Variants in CNRIP1 observed in about 807,000 individuals in gnomAD.
CNRIP1 encodes the protein CB1 cannabinoid receptor-interacting protein 1.
CNRIP1 carries 10 observed loss-of-function variants against 15.2 expected under a neutral mutation model. The ratio of observed to expected loss-of-function variants is 0.66; its 90% CI spans 0.41 to 1.12. The LOEUF is 1.12. CNRIP1 is among the 50% of genes most tolerant of loss of function. The pLI, the probability that CNRIP1 is intolerant of heterozygous loss-of-function variation, is 0.00. For missense variants in CNRIP1, 211 were observed against 214.7 expected, an observed-to-expected ratio of 0.98 and a Z score of 0.11; for synonymous variants, 91 against 83.2, an observed-to-expected ratio of 1.09 and a Z score of -0.51.
At chr2:68,303,056 C>T (rs1022326434) in intron 2 of CNRIP1, among the ~76,000 whole-genome samples, 6 of 151,886 alleles carry the variant, frequency 4.0e-5, no homozygotes, top group South Asian at 2.1e-4. Context: ...ACTGTGTTAG[C>T]CAGGATGGTC....
chr2:68,305,116 T>C (rs1033884292), intron 2 of CNRIP1, among the ~76,000 whole-genome samples: 1 of 151,628 alleles, frequency 6.6e-6, no homozygotes, highest in Non-Finnish European at 1.5e-5. Flanking sequence ...TGGTGGCACA[T>C]GCCTGCAATC....
intron 2 of CNRIP1, among the ~76,000 whole-genome samples, chr2:68,310,277 G>A (rs1672026464): frequency 6.6e-6 from 1 of 152,218 alleles, no homozygotes; most frequent in Admixed American, 6.5e-5. Context: ...GCAGTGAGCT[G>A]AGATCGCACC....
In CNRIP1 at chr2:68,317,004, C is replaced by G. The variant is rs17035262; in HGVS notation, c.330+153G>C. 0.011 allele frequency: 10,264 copies of G among 922,342 alleles called. 678 individuals are homozygous for G. The African/African-American group carries it at 0.14, about 13-fold the overall frequency. 57.1% of individuals were successfully genotyped at this position (922,342 alleles called of 1,614,324 possible). Reference sequence around the variant, plus strand: ...AAGAGCATTAATTAAGTAGTTCTCTCTCCAGCAGATGCTTGAAGGAAATCC... The same window carrying G: ...AAGAGCATTAATTAAGTAGTTCTCTGTCCAGCAGATGCTTGAAGGAAATCC... On this transcript the variant is annotated intron_variant, in intron 2 of 2. Transcript: ENST00000263655.
chr2:68,293,606 C>A lies in CNRIP1; in HGVS notation c.*256G>T. On this transcript the variant is annotated 3_prime_UTR_variant, in exon 3 of 3. Coordinates refer to ENST00000263655, the MANE Select transcript of CNRIP1 (RefSeq NM_015463.3). ...CAGTCACAAGTGGTCAAAAGTATGA[C>A]CGAGAACAACTGGATGCAGGAACAT... 1 of 1,137,780 alleles carries A rather than the reference C, an allele frequency of 8.8e-7. No individual in the cohort carries two copies. The highest frequency in any genetic ancestry group is 1.1e-6 in the Non-Finnish European group (1 of 921,844). The allele number at this position is 1,137,780 out of a possible 1,614,324, so 70.5% of individuals were successfully genotyped here.
chr2:68,300,625 AAAAAAAG>A (rs535187060), intron 2 of CNRIP1, among the ~76,000 whole-genome samples: 456 of 152,270 alleles, frequency 3.0e-3, no homozygotes, highest in Non-Finnish European at 4.3e-3. Context: ...TCAAAAAAAT[AAAAAAAG>A]AAAAAAGAAA....
intron 2 of CNRIP1, among the ~76,000 whole-genome samples, chr2:68,285,668 A>AAAAG (rs1553413242): frequency 5.8e-4 from 72 of 124,444 alleles, no homozygotes; most frequent in Middle Eastern, 4.2e-3. Flanking sequence ...AAAAAAAAAA[A>AAAAG]AAAAGAAAAG....
downstream of CNRIP1, among the ~76,000 whole-genome samples, chr2:68,289,788 C>A (rs147746760): frequency 4.4e-3 from 666 of 152,050 alleles, 14 homozygotes; most frequent in East Asian, 7.4e-3. Flanking sequence ...GGCTCCCTTT[C>A]TTTTTTAATG....
intron 1 of CNRIP1, among the ~76,000 whole-genome samples, chr2:68,317,716 T>C (rs1672327468): frequency 6.6e-6 from 1 of 152,186 alleles, no homozygotes; most frequent in South Asian, 2.1e-4. Flanking sequence ...ATCATTCTTT[T>C]GTGTTAGGAT....
At chr2:68,316,903 G>T in intron 2 of CNRIP1, 1 of 610,194 alleles carries the variant, frequency 1.6e-6, no homozygotes, top group South Asian at 2.0e-5. Flanking sequence ...GGCAATGTAG[G>T]TTCTGTCTCT....
At chr2:68,304,692 C>G (rs1671745062) in intron 2 of CNRIP1, among the ~76,000 whole-genome samples, 1 of 151,314 alleles carries the variant, frequency 6.6e-6, no homozygotes, top group Non-Finnish European at 1.5e-5. Flanking sequence ...GCGATCTCAG[C>G]TTACTGCAAG....
intron 2 of CNRIP1, among the ~76,000 whole-genome samples, chr2:68,306,324 A>G (rs916915051): frequency 6.8e-6 from 1 of 147,790 alleles, no homozygotes; most frequent in African/African-American, 2.5e-5. Flanking sequence ...CCTATCTCAA[A>G]AAAAAAAAAA....
At chr2:68,298,641 T>TAA (rs1357786580) in intron 2 of CNRIP1, among the ~76,000 whole-genome samples, 1 of 152,226 alleles carries the variant, frequency 6.6e-6, no homozygotes, top group Non-Finnish European at 1.5e-5. Context: ...CAAATTTGGT[T>TAA]TATTAATGTG....
intron 2 of CNRIP1, among the ~76,000 whole-genome samples, chr2:68,305,259 A>AAT (rs1553415390): frequency 3.0e-5 from 3 of 100,366 alleles, no homozygotes; most frequent in African/African-American, 1.1e-4. Flanking sequence ...AAAAAAAAAA[A>AAT]ATATATATAT....
At position 68,293,606 on chromosome 2, in the gene CNRIP1, CCGAGAA is replaced by C; in HGVS notation, c.*250_*255del. The stretch of plus-strand genomic sequence containing the variant: ...CAGTCACAAGTGGTCAAAAGTATGA[CCGAGAA>C]CAACTGGATGCAGGAACATCAGCAC... On this transcript the variant is annotated 3_prime_UTR_variant, in exon 3 of 3. Coordinates refer to ENST00000263655, the MANE Select transcript of CNRIP1 (RefSeq NM_015463.3). 1 of 1,137,780 alleles carries C rather than the reference CCGAGAA, an allele frequency of 8.8e-7. No individual in the cohort carries two copies. Among genetic ancestry groups the C allele is most frequent in the Non-Finnish European group, 1.1e-6 (1 of 921,844 alleles). The allele number at this position is 1,137,780 out of a possible 1,614,324, so 70.5% of individuals were successfully genotyped here.
rs1310976306 is a variant in CNRIP1 at position 68,319,323 on chromosome 2, C to T, written c.78G>A (p.Lys26=). Residue 26 remains lysine (K), a synonymous_variant, in exon 1 of 3, where the codon AAG becomes AAA. Transcript: ENST00000263655. ...IQPNDGPVFY[K]VDGQRFGQNR... is the part of the protein sequence containing the mutation. ...TCTGGCCGAAGCGCTGCCCGTCCAC[C>T]TTGTAAAAGACCGGGCCGTCATTAG... 2 of 1,565,460 alleles carry T rather than the reference C, an allele frequency of 1.3e-6. No homozygotes were observed. The highest frequency in any genetic ancestry group is 2.1e-4 in the Middle Eastern group (1 of 4,666).
intron 2 of CNRIP1, chr2:68,316,119 G>C (rs994029847): frequency 6.6e-6 from 1 of 151,538 alleles, no homozygotes. Flanking sequence ...GTTTTAAAAA[G>C]TATAATGGGG....
chr2:68,287,609 G>T (rs967606263), intron 2 of CNRIP1, among the ~76,000 whole-genome samples: 1 of 152,226 alleles, frequency 6.6e-6, no homozygotes, highest in Non-Finnish European at 1.5e-5. Flanking sequence ...CAATCATCTT[G>T]AAAGTGGCTA....
In CNRIP1 at chr2:68,319,180, C is replaced by T. The variant is rs756812999; in HGVS notation, c.179+42G>A. ...TGGGGGCCTCAGTCCTCTGCCTGTA[C>T]CCCATGGGGGACCCTGCTGCCACCA... On this transcript the variant is annotated intron_variant, in intron 1 of 2. Transcript: ENST00000263655. The T allele has an allele frequency of 2.7e-6, 4 of 1,505,918 alleles. No individual in the cohort carries two copies. In the South Asian group the frequency reaches 3.8e-5, roughly 14 times the overall value. 93.3% of individuals were successfully genotyped at this position (1,505,918 alleles called of 1,614,324 possible). A position where few individuals can be genotyped will look rare whatever the true frequency, so the allele number is the denominator to read the frequency against.
At chr2:68,305,288 G>A (rs1316626047) in intron 2 of CNRIP1, among the ~76,000 whole-genome samples, 3,719 of 140,704 alleles carry the variant, frequency 0.026, 94 homozygotes, top group Middle Eastern at 0.054. Context: ...GTGTGTGTGT[G>A]TGTGTGTGTG....
Sources: gnomAD v4.1 joint callset for allele counts (sites outside exome capture counted in the v4.1 genomes callset) on GRCh38, gnomAD v4.1.1 for gene constraint, MANE v1.5 for transcripts, NCBI Gene and HGNC (gene_info 2026-07-23, HGNC 2026-07-21) for gene names.